The following HDAC8 variants were observed in gnomAD, a reference collection of about 807,000 sequenced individuals.
HDAC8 encodes the protein histone deacetylase 8.
A neutral mutation model predicts 32.2 loss-of-function variants in HDAC8; 1 was observed. The observed-to-expected ratio is 0.03, with a 90% CI of 0.01 to 0.15. HDAC8 has a LOEUF of 0.15. Ranked by LOEUF, HDAC8 falls within the 10% of genes least tolerant of loss-of-function variation. HDAC8 has a pLI of 1.00. For missense variants in HDAC8, 117 were observed against 300.0 expected, an observed-to-expected ratio of 0.39 and a Z score of 4.51; for synonymous variants, 108 against 113.9, an observed-to-expected ratio of 0.95 and a Z score of 0.33.
chrX:72,561,158 A>G (rs1212105971), intron 4 of HDAC8, among the ~76,000 whole-genome samples: 1 of 111,791 alleles, frequency 8.9e-6, no homozygotes, highest in Non-Finnish European at 1.9e-5. Context: ...TTCCCATCAA[A>G]ATACCACCAT....
chrX:72,406,151 G>T (rs782746900), intron 9 of HDAC8, among the ~76,000 whole-genome samples: 1 of 111,825 alleles, frequency 8.9e-6, no homozygotes, highest in Admixed American at 9.5e-5. Context: ...TGAGGTCTGG[G>T]AGGGGTACAT....
At chrX:72,337,585 T>C (rs975740943) in intron 10 of HDAC8, among the ~76,000 whole-genome samples, 3 of 111,300 alleles carry the variant, frequency 2.7e-5, no homozygotes, top group Non-Finnish European at 5.7e-5. Context: ...GCTGTAACTG[T>C]ACCCCAAACT....
intron 10 of HDAC8, among the ~76,000 whole-genome samples, chrX:72,346,523 A>G (rs368063211): frequency 8.9e-6 from 1 of 112,107 alleles, no homozygotes; most frequent in South Asian, 3.7e-4. Context: ...CCAATCCCGG[A>G]TGTCAGGCTG....
intron 9 of HDAC8, among the ~76,000 whole-genome samples, chrX:72,418,515 T>C (rs1555972553): frequency 8.9e-6 from 1 of 111,773 alleles, no homozygotes; most frequent in Non-Finnish European, 1.9e-5. Flanking sequence ...ATAACTGTTA[T>C]TAAAAAGTCA....
intron 9 of HDAC8, among the ~76,000 whole-genome samples, chrX:72,453,994 A>G (rs1323358964): frequency 2.7e-5 from 3 of 112,212 alleles, no homozygotes; most frequent in African/African-American, 9.7e-5. Flanking sequence ...TCAGACAAAC[A>G]AAAGCTGAGA....
At chrX:72,519,652 C>T (rs374789730) in intron 4 of HDAC8, among the ~76,000 whole-genome samples, 1 of 111,612 alleles carries the variant, frequency 9.0e-6, no homozygotes, top group Non-Finnish European at 1.9e-5. Context: ...TGTAGTGGCA[C>T]GAACATGGCT....
At chrX:72,561,649 A>C (rs1349288185) in intron 4 of HDAC8, among the ~76,000 whole-genome samples, 2 of 112,689 alleles carry the variant, frequency 1.8e-5, no homozygotes, top group African/African-American at 6.4e-5. Context: ...CCAAAGACCC[A>C]AAAACAAATA....
intron 4 of HDAC8, among the ~76,000 whole-genome samples, chrX:72,538,790 G>A (rs1175281116): frequency 8.9e-6 from 1 of 111,788 alleles, no homozygotes; most frequent in African/African-American, 3.3e-5. Flanking sequence ...CATAAAAATA[G>A]GTGTTGAGAA....
intron 7 of HDAC8, among the ~76,000 whole-genome samples, chrX:72,478,448 C>T (rs113140734): frequency 0.015 from 1,656 of 110,975 alleles, 26 homozygotes; most frequent in African/African-American, 0.04. Context: ...GATGGTCTCC[C>T]TCCCCTCTCT....
chrX:72,474,763 A>G (rs1670938215), intron 7 of HDAC8: 1 of 897,418 alleles, frequency 1.1e-6, no homozygotes, highest in Non-Finnish European at 1.6e-6. Context: ...GGTGACATTA[A>G]TGATGCTTTT....
At chrX:72,481,408 A>G (rs782321937) in intron 7 of HDAC8, among the ~76,000 whole-genome samples, 1 of 111,899 alleles carries the variant, frequency 8.9e-6, no homozygotes, top group East Asian at 2.8e-4. Flanking sequence ...AGGCTAAATA[A>G]TTACTTGTTC....
chrX:72,352,759 A>G (rs1555949337), intron 9 of HDAC8, among the ~76,000 whole-genome samples: 1 of 112,063 alleles, frequency 8.9e-6, no homozygotes, highest in Non-Finnish European at 1.9e-5. Context: ...AGCTTGGTAG[A>G]TGACTCCTTG....
At chrX:72,447,028 C>T (rs889854709) in intron 9 of HDAC8, among the ~76,000 whole-genome samples, 2 of 111,924 alleles carry the variant, frequency 1.8e-5, no homozygotes, top group Non-Finnish European at 3.8e-5. Flanking sequence ...GAGCTGGTAC[C>T]ATTCCTTCTG....
chrX:72,490,269 C>G (rs1187984488), intron 6 of HDAC8, among the ~76,000 whole-genome samples: 1 of 110,636 alleles, frequency 9.0e-6, no homozygotes, highest in Non-Finnish European at 1.9e-5. Context: ...ACCCAAAGGA[C>G]TATAAATCAC....
intron 10 of HDAC8, among the ~76,000 whole-genome samples, chrX:72,341,144 G>T (rs1555944962): frequency 8.9e-6 from 1 of 111,893 alleles, no homozygotes; most frequent in African/African-American, 3.3e-5. Context: ...TTGCCATAGT[G>T]AACATGAGAA....
At chrX:72,506,025 T>C (rs2049380007) in intron 4 of HDAC8, among the ~76,000 whole-genome samples, 3 of 111,686 alleles carry the variant, frequency 2.7e-5, no homozygotes, top group African/African-American at 9.8e-5. Context: ...AAATCCCTAT[T>C]GGGACTCTAA....
At chrX:72,401,527 C>T (rs2045902123) in intron 9 of HDAC8, among the ~76,000 whole-genome samples, 1 of 112,213 alleles carries the variant, frequency 8.9e-6, no homozygotes, top group African/African-American at 3.2e-5. Flanking sequence ...TGTGCCCGGC[C>T]ACCACTTGTT....
At chrX:72,364,798 C>T (rs954185050) in intron 9 of HDAC8, among the ~76,000 whole-genome samples, 14 of 111,749 alleles carry the variant, frequency 1.3e-4, no homozygotes, top group African/African-American at 4.6e-4. Flanking sequence ...AAGAAGCCTG[C>T]ACTTGTACCC....
chrX:72,477,179 G>T (rs1017214808), intron 7 of HDAC8, among the ~76,000 whole-genome samples: 20 of 111,903 alleles, frequency 1.8e-4, no homozygotes, highest in Admixed American at 3.8e-4. Flanking sequence ...GCCCTTGGGG[G>T]AAAGGGGAGT....
Sources: gnomAD v4.1 joint callset for allele counts (sites outside exome capture counted in the v4.1 genomes callset) on GRCh38, gnomAD v4.1.1 for gene constraint, MANE v1.5 for transcripts, NCBI Gene and HGNC (gene_info 2026-07-23, HGNC 2026-07-21) for gene names.